INO80: variants seen among roughly 807,000 people sequenced by gnomAD.
INO80 encodes the protein INO80 complex ATPase subunit.
Under a neutral mutation model 203.4 loss-of-function variants are expected in INO80, and 20 were observed. That is an observed-to-expected ratio of 0.10 (90% CI 0.07 to 0.14). The LOEUF (loss-of-function observed/expected upper bound fraction) is 0.14, where lower values mean the gene tolerates loss of function less well. Among genes scored for constraint, INO80 ranks in the 10% least tolerant of loss-of-function variants. INO80 has a pLI of 1.00. For synonymous variants in INO80, 726 were observed against 685.2 expected (o/e 1.06, Z -0.93); for missense variants, 1,419 against 1,914.4 (o/e 0.74, Z 4.83).
chr15:40,992,851 G>A (rs567579247), intron 29 of INO80, among the ~76,000 whole-genome samples: 1 of 152,202 alleles, frequency 6.6e-6, no homozygotes, highest in East Asian at 1.9e-4. Context: ...GGAGTGCAGC[G>A]GCACAATCAC....
chr15:41,007,459 A>C (rs545994886), intron 27 of INO80, among the ~76,000 whole-genome samples: 1 of 152,182 alleles, frequency 6.6e-6, no homozygotes, highest in African/African-American at 2.4e-5. Context: ...TTGGGATTAC[A>C]GGTGTGACCC....
intron 28 of INO80, 82 bp from the exon 29 acceptor site, chr15:40,997,683 CAGAACATAAAG>C: frequency 1.1e-6 from 1 of 886,234 alleles, no homozygotes; most frequent in South Asian, 1.3e-5. Flanking sequence ...TCTCTGAATA[CAGAACATAAAG>C]TCTAGGACTA....
rs953847157 is a variant in INO80, at chr15:40,980,031, C to T, written c.*192G>A. ...CCCTGTGGCCTTCCTCCTACAGGCA[C>T]CCCAGATGCTCCTGATGAGACACAG... is the stretch of plus-strand genomic sequence containing the variant. On this transcript the variant is annotated 3_prime_UTR_variant, in exon 36 of 36. Coordinates refer to ENST00000648947, the MANE Select transcript of INO80 (RefSeq NM_017553.3). 11 of 600,366 alleles carry T rather than the reference C, an allele frequency of 1.8e-5. No individual in the cohort carries two copies. The highest frequency in any genetic ancestry group is 3.7e-5 in the African/African-American group (2 of 53,840). 37.2% of individuals were successfully genotyped at this position (600,366 alleles called of 1,614,324 possible).
At chr15:41,114,513 G>C (rs971700104) in intron 1 of INO80, among the ~76,000 whole-genome samples, 2 of 150,324 alleles carry the variant, frequency 1.3e-5, no homozygotes, top group Non-Finnish European at 3.0e-5. Context: ...GTTCGAGACC[G>C]GCCTAGCCAA....
intron 27 of INO80, among the ~76,000 whole-genome samples, 194 bp downstream of exon 27, chr15:41,015,894 G>A (rs367757286): frequency 2.0e-5 from 3 of 148,532 alleles, no homozygotes; most frequent in Non-Finnish European, 3.0e-5. Flanking sequence ...TTGCAGAGCC[G>A]AGATCGCATC....
chr15:40,994,212 G>A (rs1179275819), intron 29 of INO80, among the ~76,000 whole-genome samples: 1 of 152,094 alleles, frequency 6.6e-6, no homozygotes, highest in African/African-American at 2.4e-5. Context: ...CCAGGTATAT[G>A]CTTAGGTTGC....
At chr15:40,988,634 C>CT (rs1437839937) in intron 29 of INO80, among the ~76,000 whole-genome samples, 3 of 152,038 alleles carry the variant, frequency 2.0e-5, no homozygotes, top group Non-Finnish European at 4.4e-5. Flanking sequence ...AATCCCAGCA[C>CT]TTTGGGAAGC....
intron 16 of INO80, among the ~76,000 whole-genome samples, chr15:41,058,263 A>G (rs1422828580): frequency 2.0e-5 from 3 of 152,184 alleles, no homozygotes; most frequent in Non-Finnish European, 4.4e-5. Context: ...AAGTCTTGGT[A>G]TTCTTGGCAT....
rs192432136 is a variant in INO80, at chr15:41,031,159, T to C, written c.2908-3423A>G. On this transcript the variant is annotated intron_variant, in intron 24 of 35. Coordinates refer to ENST00000648947, the MANE Select transcript of INO80 (RefSeq NM_017553.3). Reference sequence around the variant, plus strand: ...ATGTTTTACCCAATATATACTTTTCTAGATTCTTTTCTCTTAACATTAGTT... The same window carrying C: ...ATGTTTTACCCAATATATACTTTTCCAGATTCTTTTCTCTTAACATTAGTT... Among the ~76,000 whole-genome samples the C allele has an allele frequency of 2.7e-3, 409 of 152,288 alleles. 3 individuals carry two copies. Among genetic ancestry groups the C allele is most frequent in the South Asian group, 0.013 (62 of 4,824 alleles).
chr15:41,048,251 C>T lies in INO80; in HGVS notation c.2602G>A (p.Ala868Thr). 6.2e-7 allele frequency: 1 copy of T among 1,613,192 alleles called. No individual in the cohort carries two copies. The highest frequency in any genetic ancestry group is 8.5e-7 in the Non-Finnish European group (1 of 1,179,394). ...AGAGACCGTTGGATATAGTCTGGTG[C>T]AAATGGAGAAAGAACCCTTAACCAC... ...DRWLRVLSPF[A>T]PDYIQRSLFH... The change falls in exon 22 of 36, where the codon GCA becomes ACA. Residue 868 changes from alanine to threonine, a missense_variant. Ala to Thr is a moderately conservative substitution (Grantham distance 58, BLOSUM62 0). Around this residue, in one of 9 missense-constraint regions of INO80, gnomAD observed 302 missense variants for 345.4 expected, o/e 0.87. Coordinates refer to ENST00000648947, the MANE Select transcript of INO80 (RefSeq NM_017553.3).
chr15:40,988,230 C>A (rs920958926), intron 29 of INO80, among the ~76,000 whole-genome samples: 1 of 152,054 alleles, frequency 6.6e-6, no homozygotes, highest in Non-Finnish European at 1.5e-5. Context: ...ATAGTTAAAA[C>A]GTAGTGTTTA....
intron 5 of INO80, 52 bp downstream of exon 5, chr15:41,091,975 A>G (rs2045651236): frequency 1.9e-5 from 28 of 1,506,730 alleles, no homozygotes; most frequent in Non-Finnish European, 2.5e-5. Flanking sequence ...TTTAATGACT[A>G]TAAAGCAGAG....
intron 27 of INO80, among the ~76,000 whole-genome samples, chr15:41,010,932 G>C (rs1322254126): frequency 6.6e-6 from 1 of 152,098 alleles, no homozygotes; most frequent in East Asian, 1.9e-4. Flanking sequence ...TTAGCAAAAG[G>C]CTACTCTATT....
chr15:41,035,898 G>A (rs1269959402), intron 24 of INO80, among the ~76,000 whole-genome samples: 1 of 148,226 alleles, frequency 6.7e-6, no homozygotes, highest in Non-Finnish European at 1.5e-5. Context: ...GGAGGCCAAG[G>A]TGGGCAGATC....
At chr15:41,096,064 A>G (rs1441157943) in intron 2 of INO80, 104 bp downstream of exon 2, 101 of 1,419,336 alleles carry the variant, frequency 7.1e-5, no homozygotes, top group Non-Finnish European at 9.5e-5. Context: ...GCAAAAGAAA[A>G]TATCAAACAT....
chr15:41,077,974 C>T (rs537097042), intron 9 of INO80, among the ~76,000 whole-genome samples: 1 of 151,042 alleles, frequency 6.6e-6, no homozygotes, highest in South Asian at 2.1e-4. Context: ...GATCTCAGCT[C>T]ACTGCAACCT....
rs139708344 is a variant in INO80 at position 40,981,165 on chromosome 15, T to C, written c.4454-725A>G. ...TAAGTGCTTGATGGGCAGACATGTC[T>C]CTCTCCTCATCCACAGTGGAACCAC... On this transcript the variant is annotated intron_variant, in intron 35 of 35. Transcript: ENST00000648947. 5.5e-4 allele frequency among the ~76,000 whole-genome samples: 84 copies of C among 152,102 alleles called. No homozygotes were observed. The East Asian group carries it at 0.014, about 26-fold the overall frequency.
At chr15:41,079,576 A>C (rs2045454378) in intron 9 of INO80, 125 bp downstream of exon 9, 1 of 575,192 alleles carries the variant, frequency 1.7e-6, no homozygotes, top group Non-Finnish European at 2.6e-6. Flanking sequence ...ATCTCTACCA[A>C]AAAAAAAAAA....
Position 40,980,037 on chromosome 15 carries a change from A to C in INO80, c.*186T>G. On this transcript the variant is annotated 3_prime_UTR_variant, in exon 36 of 36. Transcript: ENST00000648947. ...GGCCTTCCTCCTACAGGCACCCCAG[A>C]TGCTCCTGATGAGACACAGATGATA... is the stretch of plus-strand genomic sequence containing the variant. 1.7e-6 allele frequency: 1 copy of C among 605,828 alleles called. No individual in the cohort carries two copies. The highest frequency in any genetic ancestry group is 2.0e-5 in the South Asian group (1 of 51,164). 37.5% of individuals were successfully genotyped at this position (605,828 alleles called of 1,614,324 possible).
Sources: gnomAD v4.1 joint callset for allele counts (sites outside exome capture counted in the v4.1 genomes callset) on GRCh38, gnomAD v4.1.1 for gene constraint, gnomAD v4.1.1 regional missense constraint, MANE v1.5 for transcripts, NCBI Gene and HGNC (gene_info 2026-07-23, HGNC 2026-07-21) for gene names.